PAPPA: variants seen among roughly 807,000 people sequenced by gnomAD.
The protein encoded by PAPPA is pappalysin-1.
PAPPA carries 60 observed loss-of-function variants against 164.0 expected under a neutral mutation model. The ratio of observed to expected loss-of-function variants is 0.37; its 90% CI spans 0.30 to 0.45. The LOEUF (loss-of-function observed/expected upper bound fraction) is 0.45. PAPPA is among the 20% of genes least tolerant of loss of function. PAPPA has a pLI of 1.00. For synonymous variants in PAPPA, 875 were observed against 814.1 expected (o/e 1.07, Z -1.27); for missense variants, 1,782 against 2,087.3 (o/e 0.85, Z 2.85).
chr9:116,248,463 C>T (rs530227781), intron 7 of PAPPA, among the ~76,000 whole-genome samples: 197 of 152,230 alleles, frequency 1.3e-3, no homozygotes, highest in African/African-American at 4.6e-3. Flanking sequence ...TAAGTAAAGA[C>T]GGAGGCAGCA....
At chr9:116,211,077 T>C (rs1478241665) in intron 3 of PAPPA, among the ~76,000 whole-genome samples, 1 of 152,232 alleles carries the variant, frequency 6.6e-6, no homozygotes, top group African/African-American at 2.4e-5. Flanking sequence ...CAATGGTGAA[T>C]ACAGCATGGT....
At position 116,187,284 on chromosome 9, in the gene PAPPA, G is replaced by A; in HGVS notation, c.546G>A (p.Val182=). Residue 182 remains valine (V), a synonymous_variant, in exon 2 of 22, where the codon GTG becomes GTA. Coordinates refer to ENST00000328252, the MANE Select transcript of PAPPA (RefSeq NM_002581.5). The surrounding 1 kb of genome is among the most constrained non-coding windows in gnomAD (Gnocchi z 4.2). ...FSLKTDRARQ[V]TTINAHRSYL... ...TGAAGACAGACCGAGCCCGGCAAGT[G>A]ACCACCATCAATGCCCACCGCAGCT... The A allele has an allele frequency of 6.2e-7, 1 of 1,614,056 alleles. No homozygotes were observed. Among genetic ancestry groups the A allele is most frequent in the Non-Finnish European group, 8.5e-7 (1 of 1,180,002 alleles).
chr9:116,290,297 T>C (rs1053754324), intron 9 of PAPPA, among the ~76,000 whole-genome samples: 2 of 152,112 alleles, frequency 1.3e-5, no homozygotes, highest in Non-Finnish European at 1.5e-5. Flanking sequence ...GTTCTATGCA[T>C]GTTTTTCAGA....
intron 1 of PAPPA, among the ~76,000 whole-genome samples, chr9:116,163,792 T>C (rs1032818586): frequency 3.3e-5 from 5 of 152,130 alleles, no homozygotes; most frequent in Non-Finnish European, 7.4e-5. Flanking sequence ...CTAAGTACCA[T>C]TGACTGGTAA....
In PAPPA at chr9:116,273,240, G is replaced by C. The variant is rs1845157720; in HGVS notation, c.2953+1824G>C. ...TTGATTTAGAGCTATGCAATGATCA[G>C]GAAAAATAAGGACATCTCTAATAGG... On this transcript the variant is annotated intron_variant, in intron 9 of 21. Transcript: ENST00000328252. Among the ~76,000 whole-genome samples, 4 of 152,252 alleles carry C rather than the reference G, an allele frequency of 2.6e-5. No homozygotes were observed. In the South Asian group the frequency reaches 8.3e-4, roughly 32 times the overall value.
chr9:116,262,788 A>G (rs1845018259), intron 7 of PAPPA, among the ~76,000 whole-genome samples: 1 of 152,188 alleles, frequency 6.6e-6, no homozygotes, highest in Non-Finnish European at 1.5e-5. Context: ...GGAGCAGCTG[A>G]AAGGAACAAC....
intron 2 of PAPPA, among the ~76,000 whole-genome samples, chr9:116,203,643 G>T (rs566540518): frequency 6.6e-6 from 1 of 152,280 alleles, no homozygotes; most frequent in Non-Finnish European, 1.5e-5. Context: ...ATCCTAATCA[G>T]TGATGCCTTC....
At chr9:116,328,590 G>A (rs1158685120) in intron 10 of PAPPA, among the ~76,000 whole-genome samples, 1 of 152,130 alleles carries the variant, frequency 6.6e-6, no homozygotes, top group Non-Finnish European at 1.5e-5. Context: ...GGGAACTTTG[G>A]CAGCTAACAC....
intron 7 of PAPPA, among the ~76,000 whole-genome samples, chr9:116,246,154 G>A (rs1844794322): frequency 1.3e-5 from 2 of 152,138 alleles, no homozygotes; most frequent in Non-Finnish European, 1.5e-5. Flanking sequence ...TATAATGATA[G>A]GAAAAATGTA....
intron 10 of PAPPA, among the ~76,000 whole-genome samples, chr9:116,317,991 CTG>C (rs1588001380): frequency 6.6e-6 from 1 of 152,200 alleles, no homozygotes; most frequent in African/African-American, 2.4e-5. Context: ...GTGCTCAGAA[CTG>C]TGTTTGCAAC....
intron 14 of PAPPA, among the ~76,000 whole-genome samples, 196 bp downstream of exon 14, chr9:116,344,907 A>T (rs917477309): frequency 6.6e-6 from 1 of 152,232 alleles, no homozygotes. Flanking sequence ...AATCTCTAAG[A>T]AAAAGGGTTC....
At chr9:116,261,806 CT>C (rs1374331158) in intron 7 of PAPPA, among the ~76,000 whole-genome samples, 1 of 152,010 alleles carries the variant, frequency 6.6e-6, no homozygotes, top group Non-Finnish European at 1.5e-5. Context: ...ATTTTTGTTT[CT>C]AATTATCAGA....
intron 17 of PAPPA, among the ~76,000 whole-genome samples, chr9:116,359,197 A>G (rs1035684043): frequency 6.6e-6 from 1 of 152,212 alleles, no homozygotes; most frequent in African/African-American, 2.4e-5. Flanking sequence ...TTTCTAACAG[A>G]GTCAGTTTCC....
At chr9:116,320,693 C>G (rs990666831) in intron 10 of PAPPA, among the ~76,000 whole-genome samples, 9 of 152,240 alleles carry the variant, frequency 5.9e-5, no homozygotes, top group African/African-American at 2.2e-4. Flanking sequence ...TGGCTCCCCC[C>G]TCTCTTTTTT....
At chr9:116,258,117 A>T (rs1844953859) in intron 7 of PAPPA, among the ~76,000 whole-genome samples, 1 of 152,010 alleles carries the variant, frequency 6.6e-6, no homozygotes, top group Admixed American at 6.5e-5. Context: ...GTGTGCATAA[A>T]TGGGGGAAGA....
intron 10 of PAPPA, among the ~76,000 whole-genome samples, chr9:116,322,503 A>G (rs529619541): frequency 6.6e-6 from 1 of 151,934 alleles, no homozygotes; most frequent in South Asian, 2.1e-4. Context: ...TAAAAACAGC[A>G]AAGCCTGGTT....
intron 19 of PAPPA, 123 bp downstream of exon 19, chr9:116,367,877 C>T: frequency 1.4e-6 from 1 of 709,332 alleles, no homozygotes; most frequent in Non-Finnish European, 2.5e-6. Flanking sequence ...TTAATCATCA[C>T]ACCTGCCCTG....
chr9:116,264,247 C>A (rs1845038579), intron 7 of PAPPA, among the ~76,000 whole-genome samples: 1 of 152,132 alleles, frequency 6.6e-6, no homozygotes, highest in African/African-American at 2.4e-5. Context: ...TAAATGAAAT[C>A]ATAAACCCTA....
At chr9:116,273,205 A>G (rs1418715113) in intron 9 of PAPPA, among the ~76,000 whole-genome samples, 1 of 152,210 alleles carries the variant, frequency 6.6e-6, no homozygotes, top group Non-Finnish European at 1.5e-5. Flanking sequence ...CTTGACATTC[A>G]TCTGCTGTGT....
Sources: allele counts gnomAD v4.1 joint callset (sites outside exome capture counted in the v4.1 genomes callset), GRCh38; gene constraint gnomAD v4.1.1; non-coding constraint Gnocchi (gnomAD v3.1); transcripts MANE v1.5; gene names NCBI Gene and HGNC (gene_info 2026-07-23, HGNC 2026-07-21).